RTL4: variants seen among roughly 807,000 people sequenced by gnomAD.
RTL4 encodes the protein retrotransposon Gag-like protein 4.
RTL4 carries 4 observed loss-of-function variants against 5.3 expected under a neutral mutation model. The ratio of observed to expected loss-of-function variants is 0.75; its 90% CI spans 0.37 to 1.72. RTL4 has a LOEUF of 1.72. RTL4 is among the 40% of genes most tolerant of loss of function. The pLI, the probability that RTL4 is intolerant of heterozygous loss-of-function variation, is 0.04. For missense variants in RTL4, 260 were observed against 227.1 expected (o/e 1.14, Z -0.93); for synonymous variants, 98 against 87.3 (o/e 1.12, Z -0.68).
chrX:112,362,655 G>A, the RTL4 span, among the ~76,000 whole-genome samples: 1 of 110,748 alleles, frequency 9.0e-6, no homozygotes, highest in African/African-American at 3.3e-5. Context: ...GACAGGGGAA[G>A]CTTCTGTTGA....
the RTL4 span, among the ~76,000 whole-genome samples, chrX:112,379,946 A>G: frequency 2.7e-5 from 3 of 111,161 alleles, no homozygotes; most frequent in South Asian, 3.8e-4. Context: ...GAACAATTCA[A>G]TCACCTGAAA....
chrX:112,271,973 C>T, the RTL4 span, among the ~76,000 whole-genome samples: 1 of 112,087 alleles, frequency 8.9e-6, no homozygotes, highest in African/African-American at 3.2e-5. Flanking sequence ...ATGATTACCA[C>T]AATCAAGCTA....
At chrX:112,208,212 A>T in the RTL4 span, among the ~76,000 whole-genome samples, 2 of 111,823 alleles carry the variant, frequency 1.8e-5, no homozygotes, top group Non-Finnish European at 3.8e-5. Context: ...TGTAGAGAAG[A>T]TGTTCATGTT....
the RTL4 span, among the ~76,000 whole-genome samples, chrX:112,419,133 A>C: frequency 9.7e-6 from 1 of 102,685 alleles, no homozygotes; most frequent in Non-Finnish European, 2.0e-5. Context: ...CAGAGATCAC[A>C]GGCATCACCT....
the RTL4 span, among the ~76,000 whole-genome samples, chrX:112,181,674 G>A: frequency 4.5e-5 from 5 of 112,123 alleles, no homozygotes; most frequent in African/African-American, 1.3e-4. Flanking sequence ...AAAGGCAGCA[G>A]CCCCAGTCAG....
At chrX:112,147,285 C>G in the RTL4 span, among the ~76,000 whole-genome samples, 1 of 111,165 alleles carries the variant, frequency 9.0e-6, no homozygotes, top group African/African-American at 3.3e-5. Context: ...CCGAACTGGA[C>G]TTCTCTCCCC....
chrX:112,220,671 A>G, the RTL4 span, among the ~76,000 whole-genome samples: 3 of 112,222 alleles, frequency 2.7e-5, no homozygotes, highest in African/African-American at 9.7e-5. Flanking sequence ...CATAAGTTCC[A>G]ATTTCAGATA....
At chrX:112,455,506 C>G in exon 1 of RTL4, 3 of 1,211,354 alleles carry the variant, frequency 2.5e-6, no homozygotes, top group Non-Finnish European at 3.4e-6. Flanking sequence ...TATACAGCTG[C>G]GAGAAGGCCA....
the RTL4 span, among the ~76,000 whole-genome samples, chrX:112,244,986 T>C: frequency 8.9e-6 from 1 of 112,198 alleles, no homozygotes; most frequent in Admixed American, 9.5e-5. Context: ...AATTCTGGAT[T>C]GAAAATTCTT....
At chrX:112,308,250 T>C in the RTL4 span, among the ~76,000 whole-genome samples, 15 of 111,193 alleles carry the variant, frequency 1.3e-4, no homozygotes, top group Admixed American at 2.9e-4. Flanking sequence ...TAGAGTGTCA[T>C]TCAAATAGGC....
At chrX:112,207,427 A>G in the RTL4 span, among the ~76,000 whole-genome samples, 1 of 111,936 alleles carries the variant, frequency 8.9e-6, no homozygotes, top group Non-Finnish European at 1.9e-5. Flanking sequence ...ACTTACGACT[A>G]TCTGAAAATG....
the RTL4 span, among the ~76,000 whole-genome samples, chrX:112,242,902 G>T: frequency 9.0e-6 from 1 of 111,492 alleles, no homozygotes; most frequent in African/African-American, 3.3e-5. Flanking sequence ...CAACATGAAG[G>T]GCTGTTGAAT....
chrX:112,122,805 A>T, the RTL4 span, among the ~76,000 whole-genome samples: 1 of 111,352 alleles, frequency 9.0e-6, no homozygotes, highest in African/African-American at 3.3e-5. Context: ...TATATCTATC[A>T]ATTTTATGTG....
the RTL4 span, among the ~76,000 whole-genome samples, chrX:112,192,976 G>A: frequency 1.8e-5 from 2 of 111,187 alleles, no homozygotes; most frequent in African/African-American, 6.5e-5. Flanking sequence ...TTTATGTGGG[G>A]ATATTTTAAT....
the RTL4 span, among the ~76,000 whole-genome samples, chrX:112,106,798 C>A: frequency 2.7e-5 from 3 of 111,779 alleles, no homozygotes; most frequent in South Asian, 1.1e-3. Context: ...ACCTATTGGT[C>A]ATTTGTATGT....
At chrX:112,122,765 A>T in the RTL4 span, among the ~76,000 whole-genome samples, 1 of 111,395 alleles carries the variant, frequency 9.0e-6, no homozygotes, top group Non-Finnish European at 1.9e-5. Flanking sequence ...TCCATTAGAG[A>T]TTATATTAGA....
chrX:112,136,923 A>C, the RTL4 span, among the ~76,000 whole-genome samples: 2 of 112,174 alleles, frequency 1.8e-5, no homozygotes, highest in Middle Eastern at 4.7e-3. Context: ...AGAAAACATA[A>C]GGAAAATCTT....
the RTL4 span, among the ~76,000 whole-genome samples, chrX:112,315,364 T>C: frequency 9.0e-6 from 1 of 110,898 alleles, no homozygotes; most frequent in Non-Finnish European, 1.9e-5. Flanking sequence ...TCCAGCAAAA[T>C]AGCTCCAGGG....
At chrX:112,221,191 G>A in the RTL4 span, among the ~76,000 whole-genome samples, 4 of 111,680 alleles carry the variant, frequency 3.6e-5, no homozygotes, top group African/African-American at 9.8e-5. Context: ...TGCCAGGTGA[G>A]AGACAGCATG....
Sources: allele counts gnomAD v4.1 joint callset (sites outside exome capture counted in the v4.1 genomes callset), GRCh38; gene constraint gnomAD v4.1.1; transcripts MANE v1.5; gene names NCBI Gene and HGNC (gene_info 2026-07-23, HGNC 2026-07-21).